The following GRIK4 variants were observed in gnomAD, a reference collection of about 807,000 sequenced individuals.
GRIK4 encodes glutamate ionotropic receptor kainate type subunit 4.
In GRIK4, 40 loss-of-function variants were observed where a neutral mutation model predicts 104.9. The ratio of observed to expected loss-of-function variants is 0.38; its 90% CI spans 0.30 to 0.50. GRIK4 has a LOEUF of 0.50. Among genes scored for constraint, GRIK4 ranks in the 20% least tolerant of loss-of-function variants. The pLI, the probability that GRIK4 is intolerant of heterozygous loss-of-function variation, is 0.93. For synonymous variants in GRIK4, 485 were observed against 524.9 expected, an observed-to-expected ratio of 0.92 and a Z score of 1.04; for missense variants, 1,047 against 1,308.1, an observed-to-expected ratio of 0.80 and a Z score of 3.08.
intron 2 of GRIK4, among the ~76,000 whole-genome samples, chr11:120,656,323 C>T (rs112181016): frequency 3.3e-4 from 51 of 152,318 alleles, no homozygotes; most frequent in African/African-American, 1.2e-3. Flanking sequence ...ATGCGACCTT[C>T]AGCTAGTCAT....
chr11:120,704,220 C>G (rs1017171289), intron 3 of GRIK4, among the ~76,000 whole-genome samples: 2 of 152,162 alleles, frequency 1.3e-5, no homozygotes, highest in African/African-American at 4.8e-5. Flanking sequence ...CTTTACTTTT[C>G]TTATGATGAT....
chr11:120,518,164 A>G (rs2136071291), intron 1 of GRIK4, among the ~76,000 whole-genome samples: 1 of 152,150 alleles, frequency 6.6e-6, no homozygotes, highest in East Asian at 1.9e-4. Flanking sequence ...GTGTGGTGCA[A>G]TGGTTGGCCT....
Position 120,962,571 on chromosome 11 carries a change from C to T in GRIK4, c.2156C>T (p.Ala719Val), listed in dbSNP as rs1944307760. The T allele has an allele frequency of 6.2e-7, 1 of 1,613,898 alleles. No homozygotes were observed. Among genetic ancestry groups the T allele is most frequent in the Non-Finnish European group, 8.5e-7 (1 of 1,179,780 alleles). ...GIARVLNSNY[A>V]FLLESTMNEY... The stretch of plus-strand genomic sequence containing the variant: ...GCCAGGGTGTTGAATTCCAACTACG[C>T]CTTCCTCCTGGAATCCACCATGAAC... The change falls in exon 18 of 21, where the codon GCC (alanine) becomes GTC (valine). Residue 719 changes from alanine to valine, a missense_variant. Physicochemically the swap from Ala to Val is moderately conservative, Grantham distance 64. This residue lies in a region of GRIK4 where 440 missense variants were observed against 652.3 expected (regional missense o/e 0.67). Coordinates refer to ENST00000527524, the MANE Select transcript of GRIK4 (RefSeq NM_014619.5).
At chr11:120,811,036 C>T (rs757507234) in intron 4 of GRIK4, among the ~76,000 whole-genome samples, 25 of 152,108 alleles carry the variant, frequency 1.6e-4, no homozygotes, top group Non-Finnish European at 2.5e-4. Context: ...CCCCAGGCTA[C>T]AGGTTAAGAA....
At chr11:120,727,886 A>G (rs1286031349) in intron 3 of GRIK4, among the ~76,000 whole-genome samples, 1 of 152,164 alleles carries the variant, frequency 6.6e-6, no homozygotes, top group African/African-American at 2.4e-5. Context: ...TCAAAAAGAA[A>G]TTAAGAATGT....
At chr11:120,909,451 T>C (rs758463998) in intron 13 of GRIK4, among the ~76,000 whole-genome samples, 2 of 152,346 alleles carry the variant, frequency 1.3e-5, no homozygotes, top group East Asian at 3.9e-4. Context: ...GGATTTCTTC[T>C]TGGGGGTCCA....
chr11:120,530,217 T>G (rs1400292613), intron 1 of GRIK4, among the ~76,000 whole-genome samples: 7 of 152,268 alleles, frequency 4.6e-5, no homozygotes, highest in Non-Finnish European at 1.0e-4. Flanking sequence ...TGTATTAGTA[T>G]TTATTACTCA....
Position 120,819,425 on chromosome 11 carries a change from G to A in GRIK4, c.346-330G>A, listed in dbSNP as rs1420272288. Among the ~76,000 whole-genome samples, 1 of 152,212 alleles carries A rather than the reference G, an allele frequency of 6.6e-6. No homozygotes were observed. Among genetic ancestry groups the A allele is most frequent in the Non-Finnish European group, 1.5e-5 (1 of 68,048 alleles). On this transcript the variant is annotated intron_variant, in intron 5 of 20. Transcript: ENST00000527524. The surrounding 1 kb of genome is among the most constrained non-coding windows in gnomAD (Gnocchi z 4.3). ...TCAAGAGCCAACTGTCTCTCTGCCA[G>A]CAGCAGGCAGTTCCTCTAAGAATAA...
chr11:120,838,085 G>A (rs1181742726), intron 8 of GRIK4, among the ~76,000 whole-genome samples: 4 of 152,152 alleles, frequency 2.6e-5, no homozygotes, highest in Non-Finnish European at 5.9e-5. Flanking sequence ...TTGGCTTAGA[G>A]GTTTTTAAGA....
At chr11:120,835,195 C>A (rs1028881949) in intron 7 of GRIK4, among the ~76,000 whole-genome samples, 1 of 152,214 alleles carries the variant, frequency 6.6e-6, no homozygotes, top group Non-Finnish European at 1.5e-5. Flanking sequence ...GAGTTACCCC[C>A]GACCTGCTCC....
chr11:120,740,388 A>G (rs1565324921), intron 3 of GRIK4, among the ~76,000 whole-genome samples: 1 of 152,138 alleles, frequency 6.6e-6, no homozygotes, highest in Non-Finnish European at 1.5e-5. Context: ...TCACCCCCGC[A>G]TGAGTGGCAG....
intron 9 of GRIK4, among the ~76,000 whole-genome samples, chr11:120,863,588 A>G (rs1290310233): frequency 1.3e-5 from 2 of 152,244 alleles, no homozygotes; most frequent in Non-Finnish European, 2.9e-5. Flanking sequence ...AAAGAAGTGG[A>G]AAAGCATTAG....
chr11:120,788,688 G>A (rs1225398241), intron 3 of GRIK4, among the ~76,000 whole-genome samples: 2 of 152,064 alleles, frequency 1.3e-5, no homozygotes, highest in East Asian at 1.9e-4. Context: ...TTCAGAAAGC[G>A]CTCCTTTCTG....
intron 13 of GRIK4, among the ~76,000 whole-genome samples, chr11:120,914,140 A>G (rs925171867): frequency 3.3e-5 from 5 of 152,120 alleles, no homozygotes; most frequent in African/African-American, 1.2e-4. Context: ...TCATTCATCA[A>G]AGTGCGTGCT....
chr11:120,985,191 T>C (rs1463120070), intron 20 of GRIK4, among the ~76,000 whole-genome samples: 3 of 152,138 alleles, frequency 2.0e-5, no homozygotes, highest in African/African-American at 4.8e-5. Flanking sequence ...CCAAGTTCCT[T>C]GTAAGTTTGA....
chr11:120,957,364 C>T (rs1448008330), intron 16 of GRIK4, among the ~76,000 whole-genome samples: 2 of 152,252 alleles, frequency 1.3e-5, no homozygotes, highest in Non-Finnish European at 2.9e-5. Flanking sequence ...TGCTACATCA[C>T]ATCCCCTCTA....
chr11:120,682,319 G>A (rs940566397), intron 3 of GRIK4, among the ~76,000 whole-genome samples: 3 of 152,250 alleles, frequency 2.0e-5, no homozygotes, highest in African/African-American at 7.2e-5. Flanking sequence ...GATGGTGGCA[G>A]CCAGAGGCCC....
chr11:120,637,188 TG>T (rs1949409031), intron 1 of GRIK4, among the ~76,000 whole-genome samples: 1 of 94,380 alleles, frequency 1.1e-5, no homozygotes, highest in South Asian at 3.5e-4. Context: ...AGACGCCAGG[TG>T]GGGGTGGGGA....
intron 13 of GRIK4, among the ~76,000 whole-genome samples, chr11:120,908,532 C>T (rs2134519229): frequency 6.6e-6 from 1 of 152,054 alleles, no homozygotes; most frequent in East Asian, 1.9e-4. Flanking sequence ...AAAACAGAGC[C>T]GAAGGTCAAA....
Sources: allele counts gnomAD v4.1 joint callset (sites outside exome capture counted in the v4.1 genomes callset), GRCh38; gene constraint gnomAD v4.1.1; regional missense constraint gnomAD v4.1.1; non-coding constraint Gnocchi (gnomAD v3.1); transcripts MANE v1.5; gene names NCBI Gene and HGNC (gene_info 2026-07-23, HGNC 2026-07-21).